The following AFF3 variants were observed in gnomAD, a reference collection of about 807,000 sequenced individuals.
The protein encoded by AFF3 is ALF transcription elongation factor 3, also known as AF4/FMR2 family member 3.
AFF3 carries 32 observed loss-of-function variants against 129.7 expected under a neutral mutation model. That is an observed-to-expected ratio of 0.25 (90% confidence interval 0.19 to 0.33). The LOEUF (loss-of-function observed/expected upper bound fraction) is 0.33, where lower values mean the gene tolerates loss of function less well. Among genes scored for constraint, AFF3 ranks in the 10% least tolerant of loss-of-function variants. The pLI is 1.00. For synonymous variants in AFF3, 644 were observed against 635.4 expected (o/e 1.01, Z -0.20); for missense variants, 1,373 against 1,592.0 (o/e 0.86, Z 2.34).
chr2:99,748,274 C>T (rs1272991483), intron 9 of AFF3, among the ~76,000 whole-genome samples: 1 of 152,174 alleles, frequency 6.6e-6, no homozygotes, highest in Non-Finnish European at 1.5e-5. Flanking sequence ...ATATGTGTAG[C>T]TTCTGTCTCA....
At position 99,546,843 on chromosome 2, in the gene AFF3, C is replaced by T. The variant is rs549548151; in HGVS notation, c.*4631G>A. On this transcript the variant is annotated 3_prime_UTR_variant, in exon 25 of 25. Transcript: ENST00000672756. ...TGACACTAAAGAATGACAAGCAAAG[C>T]GGCATCCCAGGGCTACTGGTTGAAC... The T allele has an allele frequency of 5.5e-5, 12 of 217,354 alleles. No homozygotes were observed. Among genetic ancestry groups the T allele is most frequent in the South Asian group, 3.7e-4 (2 of 5,376 alleles). 13.5% of individuals were successfully genotyped at this position (217,354 alleles called of 1,614,324 possible).
chr2:99,651,854 C>A (rs771737782), intron 12 of AFF3, among the ~76,000 whole-genome samples: 1 of 152,130 alleles, frequency 6.6e-6, no homozygotes, highest in African/African-American at 2.4e-5. Context: ...CACCTCAGAA[C>A]CATTTTCTCT....
At chr2:99,610,981 A>AC (rs746160099) in intron 13 of AFF3, among the ~76,000 whole-genome samples, 5 of 151,228 alleles carry the variant, frequency 3.3e-5, no homozygotes, top group East Asian at 3.9e-4. Context: ...GTCCTTCTCT[A>AC]CCCCCCAGTC....
At chr2:99,866,751 C>T (rs577837093) in intron 7 of AFF3, among the ~76,000 whole-genome samples, 7 of 151,852 alleles carry the variant, frequency 4.6e-5, no homozygotes, top group South Asian at 2.1e-4. Flanking sequence ...CCGAGGCAGG[C>T]GGATCACCTG....
intron 2 of AFF3, among the ~76,000 whole-genome samples, chr2:100,114,384 T>C (rs571871704): frequency 6.6e-6 from 1 of 152,306 alleles, no homozygotes; most frequent in Non-Finnish European, 1.5e-5. Context: ...AAGCCAGCCC[T>C]GCACTGTGTT....
chr2:99,560,949 A>T (rs1205129638), intron 20 of AFF3, among the ~76,000 whole-genome samples: 1 of 152,260 alleles, frequency 6.6e-6, no homozygotes, highest in Non-Finnish European at 1.5e-5. Flanking sequence ...TTCTACAGAC[A>T]GATACTACGA....
chr2:99,619,308 G>A (rs530216538), intron 13 of AFF3, among the ~76,000 whole-genome samples: 24 of 152,298 alleles, frequency 1.6e-4, no homozygotes, highest in African/African-American at 4.8e-4. Flanking sequence ...GATGATGAGC[G>A]AAAAAGATTT....
intron 4 of AFF3, among the ~76,000 whole-genome samples, chr2:100,068,771 G>C (rs1687932553): frequency 6.6e-6 from 1 of 152,092 alleles, no homozygotes; most frequent in African/African-American, 2.4e-5. Flanking sequence ...TCCCACATTA[G>C]TAAAGATGAT....
chr2:100,137,741 C>T (rs1057455176), intron 1 of AFF3, among the ~76,000 whole-genome samples: 3 of 152,178 alleles, frequency 2.0e-5, no homozygotes, highest in African/African-American at 7.2e-5. Flanking sequence ...TTTGAGCCTC[C>T]GTTCTCCATA....
At chr2:99,827,604 A>T (rs1688187619) in intron 8 of AFF3, among the ~76,000 whole-genome samples, 1 of 152,002 alleles carries the variant, frequency 6.6e-6, no homozygotes, top group Admixed American at 6.6e-5. Flanking sequence ...GAGTCTAGTT[A>T]GGAAGGAAGA....
chr2:99,793,546 G>A (rs1685354596), intron 8 of AFF3, among the ~76,000 whole-genome samples: 2 of 152,168 alleles, frequency 1.3e-5, no homozygotes, highest in South Asian at 4.1e-4. Context: ...CCCCTAAGCT[G>A]TTGAATCTAT....
At chr2:99,898,292 C>T (rs1436292842) in intron 7 of AFF3, among the ~76,000 whole-genome samples, 2 of 152,202 alleles carry the variant, frequency 1.3e-5, no homozygotes, top group Non-Finnish European at 2.9e-5. Flanking sequence ...TGCAGCACAA[C>T]GTCAAACGCC....
At chr2:99,841,725 T>C (rs896115260) in intron 7 of AFF3, among the ~76,000 whole-genome samples, 3 of 152,292 alleles carry the variant, frequency 2.0e-5, no homozygotes, top group East Asian at 1.9e-4. Context: ...GGAGATGCCA[T>C]GGCTCAGAGA....
rs371313908 is a variant in AFF3, at chr2:100,015,949, G to C, written c.54-7017C>G. On this transcript the variant is annotated intron_variant, in intron 4 of 24. Transcript: ENST00000672756. ...TGATGATGGTTATGATGGTGGTGGT[G>C]GTGGTGATGGTGATGATGATGGTGG... 7.6e-4 allele frequency among the ~76,000 whole-genome samples: 115 copies of C among 152,142 alleles called. No homozygotes were observed. In the South Asian group the frequency reaches 0.023, roughly 31 times the overall value.
At chr2:99,614,266 C>T (rs1362804197) in intron 13 of AFF3, among the ~76,000 whole-genome samples, 1 of 152,212 alleles carries the variant, frequency 6.6e-6, no homozygotes, top group Non-Finnish European at 1.5e-5. Context: ...CCACATTTAG[C>T]AGAGGAGAAA....
At chr2:99,882,055 GTCTC>G (rs754624516) in intron 7 of AFF3, among the ~76,000 whole-genome samples, 81 of 148,522 alleles carry the variant, frequency 5.5e-4, no homozygotes, top group African/African-American at 1.9e-3. Flanking sequence ...TCATTTGCCT[GTCTC>G]TCTCTCTCTC....
chr2:100,022,223 T>A (rs112042903), intron 4 of AFF3, among the ~76,000 whole-genome samples: 6 of 152,304 alleles, frequency 3.9e-5, no homozygotes, highest in African/African-American at 1.4e-4. Context: ...AGACACCTAA[T>A]CTATCATACA....
At chr2:99,631,446 C>T (rs1683108415) in intron 13 of AFF3, among the ~76,000 whole-genome samples, 1 of 152,220 alleles carries the variant, frequency 6.6e-6, no homozygotes, top group African/African-American at 2.4e-5. Context: ...CAACACCCAT[C>T]TCCAGAACCC....
intron 13 of AFF3, among the ~76,000 whole-genome samples, chr2:99,647,995 G>A (rs10514778): frequency 3.3e-5 from 5 of 152,234 alleles, no homozygotes; most frequent in African/African-American, 1.2e-4. Context: ...AGAAATCTTC[G>A]AATGTATCAG....
Sources: gnomAD v4.1 joint callset for allele counts (sites outside exome capture counted in the v4.1 genomes callset) on GRCh38, gnomAD v4.1.1 for gene constraint, MANE v1.5 for transcripts, NCBI Gene and HGNC (gene_info 2026-07-23, HGNC 2026-07-21) for gene names.